DPYD: variants seen among roughly 807,000 people sequenced by gnomAD.
DPYD encodes the protein dihydropyrimidine dehydrogenase [NADP(+)].
Under a neutral mutation model 116.2 loss-of-function variants are expected in DPYD, and 109 were observed. That is an observed-to-expected ratio of 0.94 (90% CI 0.80 to 1.10). The LOEUF (loss-of-function observed/expected upper bound fraction) is 1.10. Ranked by LOEUF, DPYD falls within the 50% of genes least tolerant of loss-of-function variation. The pLI, the probability that DPYD is intolerant of heterozygous loss-of-function variation, is 0.00. For synonymous variants in DPYD, 440 were observed against 432.0 expected, an observed-to-expected ratio of 1.02 and a Z score of -0.23; for missense variants, 1,302 against 1,254.5, an observed-to-expected ratio of 1.04 and a Z score of -0.57.
At chr1:97,710,335 G>T (rs532802628) in intron 5 of DPYD, among the ~76,000 whole-genome samples, 2 of 151,646 alleles carry the variant, frequency 1.3e-5, no homozygotes, top group Non-Finnish European at 3.0e-5. Flanking sequence ...GTTTCCTTTT[G>T]TAAGACAAGT....
At chr1:97,835,205 A>G (rs1306575206) in intron 2 of DPYD, among the ~76,000 whole-genome samples, 1 of 152,106 alleles carries the variant, frequency 6.6e-6, no homozygotes, top group Non-Finnish European at 1.5e-5. Flanking sequence ...TTTCATCTCT[A>G]CAACTAAACA....
intron 18 of DPYD, among the ~76,000 whole-genome samples, chr1:97,293,268 C>T (rs1304377038): frequency 6.6e-6 from 1 of 152,036 alleles, no homozygotes; most frequent in Non-Finnish European, 1.5e-5. Context: ...TTTCATCCTA[C>T]AATATGTTAA....
In DPYD at chr1:97,594,643, C is replaced by T. The variant is rs538666235; in HGVS notation, c.958+416G>A. Among the ~76,000 whole-genome samples, 6 of 152,178 alleles carry T rather than the reference C, an allele frequency of 3.9e-5. No individual in the cohort carries two copies. In the East Asian group the frequency reaches 1.2e-3, roughly 29 times the overall value. On this transcript the variant is annotated intron_variant, in intron 9 of 22. Coordinates refer to ENST00000370192, the MANE Select transcript of DPYD (RefSeq NM_000110.4). ...GTGTATAAAGTGATAGGGTGTCTATCAAAGTATTTTATTTTAACATCATAA... is the reference window on the plus strand; with the variant it reads ...GTGTATAAAGTGATAGGGTGTCTATTAAAGTATTTTATTTTAACATCATAA...
chr1:97,471,841 C>T (rs980673437), intron 13 of DPYD, among the ~76,000 whole-genome samples: 4 of 152,112 alleles, frequency 2.6e-5, no homozygotes, highest in African/African-American at 4.8e-5. Flanking sequence ...CTGCACATCT[C>T]GGCCTCCCAA....
chr1:97,307,760 G>C (rs767834173), intron 16 of DPYD, among the ~76,000 whole-genome samples: 3 of 152,020 alleles, frequency 2.0e-5, no homozygotes, highest in Non-Finnish European at 2.9e-5. Context: ...CATGAAAATG[G>C]AGATCTGCCC....
chr1:97,707,368 G>A (rs1662028698), intron 5 of DPYD, among the ~76,000 whole-genome samples: 1 of 151,928 alleles, frequency 6.6e-6, no homozygotes, highest in African/African-American at 2.4e-5. Flanking sequence ...ACGTATACAT[G>A]TGCCGTGCTG....
chr1:97,216,622 G>A (rs1267812974), intron 19 of DPYD, among the ~76,000 whole-genome samples: 3 of 150,976 alleles, frequency 2.0e-5, no homozygotes, highest in Admixed American at 2.0e-4. Context: ...GGTGAAACCC[G>A]TATCTACTAA....
chr1:97,447,529 G>A (rs1323325097), intron 14 of DPYD, among the ~76,000 whole-genome samples: 1 of 152,106 alleles, frequency 6.6e-6, no homozygotes, highest in African/African-American at 2.4e-5. Flanking sequence ...TTAGTTCTAG[G>A]AATACAGAAA....
chr1:97,704,257 AT>A (rs1661772339), intron 5 of DPYD, among the ~76,000 whole-genome samples: 1 of 152,064 alleles, frequency 6.6e-6, no homozygotes, highest in African/African-American at 2.4e-5. Context: ...CTCCAAAAAT[AT>A]TTTGTGGGTG....
chr1:97,906,533 T>C (rs896418432), intron 1 of DPYD, among the ~76,000 whole-genome samples: 1 of 152,104 alleles, frequency 6.6e-6, no homozygotes, highest in South Asian at 2.1e-4. Context: ...AAATTACTTA[T>C]AAAATTGAAC....
At chr1:97,468,000 T>C (rs774713921) in intron 13 of DPYD, among the ~76,000 whole-genome samples, 9 of 152,122 alleles carry the variant, frequency 5.9e-5, no homozygotes, top group Admixed American at 1.3e-4. Context: ...CAAACTCCTA[T>C]GGTAAAGAGT....
chr1:97,165,496 C>G (rs1267942826), intron 20 of DPYD, among the ~76,000 whole-genome samples: 1 of 151,988 alleles, frequency 6.6e-6, no homozygotes, highest in Non-Finnish European at 1.5e-5. Context: ...CAACACCATT[C>G]TAGATACAGG....
At chr1:97,878,110 A>G (rs548301504) in intron 2 of DPYD, among the ~76,000 whole-genome samples, 94 of 152,084 alleles carry the variant, frequency 6.2e-4, no homozygotes, top group African/African-American at 1.7e-3. Flanking sequence ...TAGTGCTTAT[A>G]GCTAAATTCT....
At chr1:97,397,281 G>A (rs1557683895) in intron 14 of DPYD, among the ~76,000 whole-genome samples, 1 of 151,846 alleles carries the variant, frequency 6.6e-6, no homozygotes, top group Non-Finnish European at 1.5e-5. Context: ...ATGTAGTCAT[G>A]TAGTAGTAGT....
Position 97,175,711 on chromosome 1 carries a change from T to G in DPYD, c.2622+17358A>C, listed in dbSNP as rs550244053. Among the ~76,000 whole-genome samples the G allele has an allele frequency of 2.0e-3, 298 of 152,316 alleles. 1 individual carries two copies. Among genetic ancestry groups the G allele is most frequent in the African/African-American group, 6.7e-3 (277 of 41,580 alleles). ...GCCACGTTCTATAAGCCTTAGCTCC[T>G]ACCTAAACCACCTAATGCATACCTC... On this transcript the variant is annotated intron_variant, in intron 20 of 22. Transcript: ENST00000370192.
chr1:97,556,013 C>T (rs142623637), intron 11 of DPYD, among the ~76,000 whole-genome samples: 2,408 of 152,280 alleles, frequency 0.016, 41 homozygotes, highest in Non-Finnish European at 0.018. Context: ...GGTTCCAGGT[C>T]GCCAAGTCCA....
chr1:97,717,565 A>G (rs1662683409), intron 5 of DPYD, among the ~76,000 whole-genome samples: 2 of 152,098 alleles, frequency 1.3e-5, no homozygotes, highest in South Asian at 4.1e-4. Flanking sequence ...ACTGTACCCA[A>G]TGGGTTGTCT....
intron 3 of DPYD, among the ~76,000 whole-genome samples, chr1:97,771,473 T>C (rs2101162502): frequency 6.6e-6 from 1 of 152,288 alleles, no homozygotes; most frequent in Middle Eastern, 3.4e-3. Flanking sequence ...TACAGATTTA[T>C]TTCAAATAAA....
intron 4 of DPYD, among the ~76,000 whole-genome samples, chr1:97,724,234 C>G (rs1160593615): frequency 6.6e-6 from 1 of 150,890 alleles, no homozygotes; most frequent in African/African-American, 2.4e-5. Context: ...AAAGAATGTT[C>G]ACTGCATTAG....
Sources: allele counts gnomAD v4.1 joint callset (sites outside exome capture counted in the v4.1 genomes callset), GRCh38; gene constraint gnomAD v4.1.1; transcripts MANE v1.5; gene names NCBI Gene and HGNC (gene_info 2026-07-23, HGNC 2026-07-21).